The following LRRC4C variants were observed in gnomAD, a reference collection of about 807,000 sequenced individuals.
LRRC4C encodes the protein leucine-rich repeat-containing protein 4C.
A neutral mutation model predicts 33.6 loss-of-function variants in LRRC4C; 5 were observed. The ratio of observed to expected loss-of-function variants is 0.15; its 90% CI spans 0.08 to 0.31. LRRC4C has a LOEUF of 0.31. LRRC4C is among the 10% of genes least tolerant of loss of function. LRRC4C has a pLI of 1.00. For missense variants in LRRC4C, 560 were observed against 796.7 expected (o/e 0.70, Z 3.58); for synonymous variants, 329 against 302.0 (o/e 1.09, Z -0.93).
At chr11:40,586,064 G>T (rs1264428501) in intron 3 of LRRC4C, among the ~76,000 whole-genome samples, 1 of 138,680 alleles carries the variant, frequency 7.2e-6, no homozygotes, top group Non-Finnish European at 1.6e-5. Context: ...CTTCCACAAT[G>T]GTTGAACTAG....
chr11:40,342,960 A>C (rs1425737940), intron 3 of LRRC4C, among the ~76,000 whole-genome samples: 1 of 152,106 alleles, frequency 6.6e-6, no homozygotes, highest in Non-Finnish European at 1.5e-5. Context: ...TTGCCAAATT[A>C]AAAGTGGGCT....
intron 5 of LRRC4C, among the ~76,000 whole-genome samples, chr11:40,195,899 T>C (rs1452697859): frequency 6.6e-6 from 1 of 152,178 alleles, no homozygotes; most frequent in Non-Finnish European, 1.5e-5. Flanking sequence ...TGGCAATTTG[T>C]CAAAAATCAC....
chr11:41,165,053 G>C (rs1456923379), intron 1 of LRRC4C, among the ~76,000 whole-genome samples: 1 of 152,166 alleles, frequency 6.6e-6, no homozygotes, highest in African/African-American at 2.4e-5. Context: ...CATGTGCTTA[G>C]TGCAACGTGA....
chr11:40,245,684 A>G (rs570754254), intron 4 of LRRC4C, among the ~76,000 whole-genome samples: 1 of 152,286 alleles, frequency 6.6e-6, no homozygotes, highest in African/African-American at 2.4e-5. Context: ...TGGCGGCATG[A>G]ATTCAATCAA....
chr11:40,259,450 C>T (rs1271651275), intron 4 of LRRC4C, among the ~76,000 whole-genome samples: 1 of 151,922 alleles, frequency 6.6e-6, no homozygotes, highest in Non-Finnish European at 1.5e-5. Context: ...CTTTTGTTGC[C>T]ATTGCTTTTG....
chr11:40,804,281 C>A (rs982555153), intron 2 of LRRC4C, among the ~76,000 whole-genome samples: 1 of 152,110 alleles, frequency 6.6e-6, no homozygotes, highest in Non-Finnish European at 1.5e-5. Context: ...ATATACTGAG[C>A]TCATTCTTAC....
intron 4 of LRRC4C, among the ~76,000 whole-genome samples, chr11:40,249,131 A>C (rs1866571083): frequency 6.6e-6 from 1 of 152,198 alleles, no homozygotes; most frequent in African/African-American, 2.4e-5. Flanking sequence ...TGAGGTCAGG[A>C]GTTCAATACC....
chr11:40,879,769 A>C (rs947586277), intron 2 of LRRC4C, among the ~76,000 whole-genome samples: 1 of 152,180 alleles, frequency 6.6e-6, no homozygotes, highest in Non-Finnish European at 1.5e-5. Flanking sequence ...TAAATAAATA[A>C]GGCAAAAAGA....
intron 5 of LRRC4C, among the ~76,000 whole-genome samples, chr11:40,176,396 G>A (rs1468148692): frequency 6.6e-6 from 1 of 152,170 alleles, no homozygotes; most frequent in Non-Finnish European, 1.5e-5. Context: ...CTGTCACATG[G>A]TGGCAATTAA....
intron 2 of LRRC4C, among the ~76,000 whole-genome samples, chr11:40,655,315 G>A (rs1409473683): frequency 6.6e-6 from 1 of 152,086 alleles, no homozygotes; most frequent in African/African-American, 2.4e-5. Context: ...ATAACACAAA[G>A]GCTATTTGAA....
intron 1 of LRRC4C, among the ~76,000 whole-genome samples, chr11:40,963,370 C>T (rs1437537030): frequency 6.6e-6 from 1 of 151,692 alleles, no homozygotes; most frequent in Non-Finnish European, 1.5e-5. Context: ...CTTAATTCCT[C>T]AAATAAGTCT....
At chr11:41,003,587 C>A (rs191504717) in intron 1 of LRRC4C, among the ~76,000 whole-genome samples, 1 of 152,074 alleles carries the variant, frequency 6.6e-6, no homozygotes, top group East Asian at 1.9e-4. Context: ...TTCCCATATC[C>A]AATTCCTCTG....
At chr11:40,442,529 A>T (rs1011811928) in intron 3 of LRRC4C, among the ~76,000 whole-genome samples, 6 of 152,150 alleles carry the variant, frequency 3.9e-5, no homozygotes, top group Admixed American at 6.5e-5. Context: ...AATACAATGG[A>T]ACCAGAGAGA....
At chr11:40,529,331 G>A (rs1040725804) in intron 3 of LRRC4C, among the ~76,000 whole-genome samples, 15 of 151,954 alleles carry the variant, frequency 9.9e-5, no homozygotes, top group African/African-American at 2.2e-4. Flanking sequence ...CTATATTTAT[G>A]TTAAATAAAT....
At chr11:40,513,877 C>T (rs755330168) in intron 3 of LRRC4C, among the ~76,000 whole-genome samples, 1 of 151,986 alleles carries the variant, frequency 6.6e-6, no homozygotes, top group Non-Finnish European at 1.5e-5. Flanking sequence ...AAACAACTCA[C>T]AGGAAAGGGT....
intron 1 of LRRC4C, among the ~76,000 whole-genome samples, chr11:41,321,920 A>G (rs1591262603): frequency 1.3e-5 from 2 of 152,042 alleles, no homozygotes; most frequent in East Asian, 1.9e-4. Context: ...GCTGGAGTGC[A>G]ATGGCGTGAT....
intron 3 of LRRC4C, among the ~76,000 whole-genome samples, chr11:40,583,860 G>A (rs750233752): frequency 9.2e-5 from 14 of 151,580 alleles, no homozygotes; most frequent in Non-Finnish European, 1.6e-4. Context: ...CAAGCAGGAC[G>A]CATAAAGAGA....
intron 3 of LRRC4C, among the ~76,000 whole-genome samples, chr11:40,600,903 A>C (rs1300584063): frequency 6.6e-6 from 1 of 152,200 alleles, no homozygotes; most frequent in Non-Finnish European, 1.5e-5. Flanking sequence ...AATCACATAC[A>C]ATGGTCATAG....
At chr11:40,804,571 C>G (rs1951169264) in intron 2 of LRRC4C, among the ~76,000 whole-genome samples, 1 of 152,150 alleles carries the variant, frequency 6.6e-6, no homozygotes, top group South Asian at 2.1e-4. Context: ...AAAATGCTCC[C>G]TTTATTCTTC....
Sources: allele counts gnomAD v4.1 joint callset (sites outside exome capture counted in the v4.1 genomes callset), GRCh38; gene constraint gnomAD v4.1.1; transcripts MANE v1.5; gene names NCBI Gene and HGNC (gene_info 2026-07-23, HGNC 2026-07-21).